The following CACNA1H variants were observed in gnomAD, a reference collection of about 807,000 sequenced individuals.
The protein encoded by CACNA1H is voltage-dependent T-type calcium channel subunit alpha-1H.
Under a neutral mutation model 192.5 loss-of-function variants are expected in CACNA1H, and 149 were observed. The observed-to-expected ratio is 0.77, with a 90% confidence interval of 0.68 to 0.89. The LOEUF (loss-of-function observed/expected upper bound fraction) is 0.89, where lower values mean the gene tolerates loss of function less well. Ranked by LOEUF, CACNA1H falls within the 40% of genes least tolerant of loss-of-function variation. The probability of loss-of-function intolerance (pLI) is 0.00; values close to 1 mark genes in which losing one functional copy is unlikely to be tolerated. For synonymous variants in CACNA1H, 2,202 were observed against 1,475.2 expected, an observed-to-expected ratio of 1.49 and a Z score of -11.29; for missense variants, 4,257 against 3,423.5, an observed-to-expected ratio of 1.24 and a Z score of -6.08.
At chr16:1,190,242 C>T (rs146054042) in intron 2 of CACNA1H, among the ~76,000 whole-genome samples, 8 of 152,370 alleles carry the variant, frequency 5.3e-5, no homozygotes, top group South Asian at 2.1e-4. Flanking sequence ...GCTTCTCCGA[C>T]CCGCAGTGGA....
rs1199359021 is a variant in CACNA1H at position 1,204,255 on chromosome 16, G to A, written c.2248G>A (p.Asp750Asn). The change falls in exon 10 of 35, where the codon GAC (aspartate) becomes AAC (asparagine). Residue 750 changes from aspartate to asparagine, a missense_variant. Asp to Asn is a conservative substitution (Grantham distance 23, BLOSUM62 1). Transcript: ENST00000348261. ...CCCCACGCGACCACCCCGTGCGACG[G>A]ACACACCAGGCCCAGGCCCAGGCAG... ...WDPTRPPRAT[D>N]TPGPGPGSPQ... 3 of 1,610,008 alleles carry A rather than the reference G, an allele frequency of 1.9e-6. No individual in the cohort carries two copies. The highest frequency in any genetic ancestry group is 1.1e-5 in the South Asian group (1 of 90,700).
At chr16:1,200,169 T>C (rs1168135865) in intron 6 of CACNA1H, 87 bp from the exon 7 acceptor site, 3 of 1,126,498 alleles carry the variant, frequency 2.7e-6, no homozygotes, top group Non-Finnish European at 3.8e-6. Flanking sequence ...CTGACCTTGA[T>C]CACGTCCCTG....
intron 2 of CACNA1H, chr16:1,157,576 C>G (rs557340689): frequency 6.6e-6 from 1 of 152,408 alleles, no homozygotes; most frequent in Non-Finnish European, 1.5e-5. Context: ...CCGCCTGCGC[C>G]CGCCTCCCCG....
chr16:1,194,990 C>A lies in CACNA1H; in HGVS notation c.318C>A (p.Ser106Arg), dbSNP rs1440667520. The change falls in exon 3 of 35, where the codon AGC becomes AGA. Residue 106 changes from serine to arginine, a missense_variant. Transcript: ENST00000348261. ...GCGACACATGGTTCGAGCACGTGAG[C>A]ATGCTGGTAATCATGCTCAACTGCG... Reference protein sequence around the residue: ...LVCNPWFEHVSMLVIMLNCVT... With the variant: ...LVCNPWFEHVRMLVIMLNCVT... The A allele has an allele frequency of 6.2e-7, 1 of 1,612,086 alleles. No individual in the cohort carries two copies. The highest frequency in any genetic ancestry group is 8.5e-7 in the Non-Finnish European group (1 of 1,179,338).
chr16:1,190,710 G>T (rs944270820), intron 2 of CACNA1H, among the ~76,000 whole-genome samples: 13 of 152,264 alleles, frequency 8.5e-5, no homozygotes, highest in African/African-American at 3.1e-4. Flanking sequence ...CACAGGGGTG[G>T]GGTCCTTGCC....
At chr16:1,163,126 G>C (rs1051202363) in intron 2 of CACNA1H, among the ~76,000 whole-genome samples, 56 of 152,244 alleles carry the variant, frequency 3.7e-4, no homozygotes, top group African/African-American at 1.3e-3. Context: ...GAAAGGTGTA[G>C]GTGTGGGCCA....
chr16:1,217,512 G>T (rs1970125282), intron 31 of CACNA1H, among the ~76,000 whole-genome samples: 1 of 152,094 alleles, frequency 6.6e-6, no homozygotes, highest in Admixed American at 6.5e-5. Flanking sequence ...ACTTCAGGCA[G>T]CCCAGTCCCT....
In CACNA1H at chr16:1,209,051, C is replaced by A; in HGVS notation, c.3383C>A (p.Pro1128His). The A allele has an allele frequency of 6.5e-7, 1 of 1,530,700 alleles. No homozygotes were observed. The highest frequency in any genetic ancestry group is 8.7e-7 in the Non-Finnish European group (1 of 1,145,008). 94.8% of individuals were successfully genotyped at this position (1,530,700 alleles called of 1,614,324 possible). A position where few individuals can be genotyped will look rare whatever the true frequency, so the allele number is the denominator to read the frequency against. ...CCCCAGGCCAGCCTCCGAAGTTCTC[C>A]CTGTGCCCCCTGGGGCCCCAGTGGC... ...QKPPASLRSS[P>H]CAPWGPSGAW... is the part of the protein sequence containing the mutation. The change falls in exon 17 of 35, where the codon CCC becomes CAC. Residue 1128 changes from proline to histidine, a missense_variant. Physicochemically the swap from Pro to His is moderately conservative, Grantham distance 77 (BLOSUM62 -2). Coordinates refer to ENST00000348261, the MANE Select transcript of CACNA1H (RefSeq NM_021098.3).
Position 1,209,158 on chromosome 16 carries a change from G to A in CACNA1H, c.3490G>A (p.Glu1164Lys). 1 of 1,553,730 alleles carries A rather than the reference G, an allele frequency of 6.4e-7. No homozygotes were observed. Among genetic ancestry groups the A allele is most frequent in the Non-Finnish European group, 8.7e-7 (1 of 1,149,672 alleles). Reference sequence around the variant, plus strand: ...GCGCCGCGGCCAGTGTGGGGAACGTGAGTCCCTGCTGTCTGGCGAGGGCAA... The same window carrying A: ...GCGCCGCGGCCAGTGTGGGGAACGTAAGTCCCTGCTGTCTGGCGAGGGCAA... ...LKRRGQCGER[E>K]SLLSGEGKGS... is the part of the protein sequence containing the mutation. Residue 1164 changes from glutamate (E) to lysine (K), a missense_variant, in exon 17 of 35, where the codon GAG becomes AAG. Glu to Lys is a moderately conservative substitution (Grantham distance 56). Coordinates refer to ENST00000348261, the MANE Select transcript of CACNA1H (RefSeq NM_021098.3).
In CACNA1H at chr16:1,180,376, G is replaced by A. The variant is rs1392900414; in HGVS notation, c.300-14596G>A. ...CTGGGGGCAGAGCAGGGCAGGCTGG[G>A]TGAGGAGGGGGCACCCCAGGTGTCT... On this transcript the variant is annotated intron_variant, in intron 2 of 34. Transcript: ENST00000348261. This position sits in a 1 kb window ranked among gnomAD's most constrained non-coding sequence, Gnocchi z 4.4. Among the ~76,000 whole-genome samples, 2 of 152,226 alleles carry A rather than the reference G, an allele frequency of 1.3e-5. No homozygotes were observed. The highest frequency in any genetic ancestry group is 2.9e-5 in the Non-Finnish European group (2 of 68,038).
At chr16:1,173,197 G>A (rs1408803182) in intron 2 of CACNA1H, among the ~76,000 whole-genome samples, 1 of 152,206 alleles carries the variant, frequency 6.6e-6, no homozygotes, top group African/African-American at 2.4e-5. Flanking sequence ...GGCCGAGGCT[G>A]GAAGGGGGCA....
chr16:1,205,976 C>G, intron 11 of CACNA1H, 128 bp from the exon 12 acceptor site: 1 of 831,582 alleles, frequency 1.2e-6, no homozygotes, highest in Non-Finnish European at 1.8e-6. Flanking sequence ...GCAGCCATAC[C>G]CTCTCCCATC....
rs1312107972 is a variant in CACNA1H, at chr16:1,221,626, T to C, written c.*632T>C. On this transcript the variant is annotated 3_prime_UTR_variant, in exon 35 of 35. Coordinates refer to ENST00000348261, the MANE Select transcript of CACNA1H (RefSeq NM_021098.3). ...AGGCCTCCCCTACATCTGGGGGCGT[T>C]GGCCGCGAGATTCCCATTGACACCT... The C allele has an allele frequency of 6.3e-6, 5 of 797,044 alleles. No homozygotes were observed. In the African/African-American group the frequency reaches 8.7e-5, roughly 14 times the overall value. The allele number at this position is 797,044 out of a possible 1,614,324, so 49.4% of individuals were successfully genotyped here.
At chr16:1,172,649 T>C (rs1964484068) in intron 2 of CACNA1H, among the ~76,000 whole-genome samples, 1 of 152,182 alleles carries the variant, frequency 6.6e-6, no homozygotes, top group Non-Finnish European at 1.5e-5. Flanking sequence ...AAGCAGCCGC[T>C]TTCCCATAAC....
Position 1,164,704 on chromosome 16 carries a change from G to C in CACNA1H, c.299+10668G>C, listed in dbSNP as rs117994835. Among the ~76,000 whole-genome samples the C allele has an allele frequency of 4.4e-3, 663 of 152,320 alleles. 4 individuals are homozygous for C. Among genetic ancestry groups the C allele is most frequent in the South Asian group, 0.023 (112 of 4,814 alleles). ...CGGAGACCCTTCGGATCTCCCTTCT[G>C]TGAGATCTTGGCCCTCAAGCCCCGC... On this transcript the variant is annotated intron_variant, in intron 2 of 34. Transcript: ENST00000348261.
chr16:1,171,220 G>C (rs569118963), intron 2 of CACNA1H, among the ~76,000 whole-genome samples: 18 of 152,234 alleles, frequency 1.2e-4, no homozygotes, highest in Admixed American at 1.1e-3. Context: ...CGCCGCCCAG[G>C]ATCACCTCCT....
Position 1,210,647 on chromosome 16 carries a change from T to G in CACNA1H, c.4034T>G (p.Val1345Gly). ...FTAIFVAEMM[V>G]KVVALGLLSG... The stretch of plus-strand genomic sequence containing the variant: ...GCCATCTTCGTGGCGGAGATGATGG[T>G]GAAGGTACCGCGGGGCCCGGGGACT... Residue 1345 changes from valine to glycine, a missense_variant, in exon 20 of 35, where the codon GTG becomes GGG. Transcript: ENST00000348261. 6.2e-6 allele frequency: 10 copies of G among 1,603,794 alleles called. No individual in the cohort carries two copies. Among genetic ancestry groups the G allele is most frequent in the Non-Finnish European group, 8.5e-6 (10 of 1,179,634 alleles).
At chr16:1,189,397 CTTTTTTTTTTTTT>C (rs3990780) in intron 2 of CACNA1H, among the ~76,000 whole-genome samples, 18 of 45,036 alleles carry the variant, frequency 4.0e-4, no homozygotes, top group South Asian at 3.7e-3. Flanking sequence ...GAAGAGTGTC[CTTTTTTTTTTTTT>C]TTTTTTTTTT....
chr16:1,184,116 G>A (rs1035329021), intron 2 of CACNA1H, among the ~76,000 whole-genome samples: 3 of 152,178 alleles, frequency 2.0e-5, no homozygotes, highest in Non-Finnish European at 2.9e-5. Flanking sequence ...GGGTGTAGGC[G>A]GGACTGCTCT....
Sources: allele counts gnomAD v4.1 joint callset (sites outside exome capture counted in the v4.1 genomes callset), GRCh38; gene constraint gnomAD v4.1.1; non-coding constraint Gnocchi (gnomAD v3.1); transcripts MANE v1.5; gene names NCBI Gene and HGNC (gene_info 2026-07-23, HGNC 2026-07-21).